Variants in MARCHF1 observed in about 807,000 individuals in gnomAD.
MARCHF1 encodes membrane associated ring-CH-type finger 1.
In MARCHF1, 40 loss-of-function variants were observed where a neutral mutation model predicts 54.2. The ratio of observed to expected loss-of-function variants is 0.74; its 90% CI spans 0.57 to 0.96. MARCHF1 has a LOEUF of 0.96. Among genes scored for constraint, MARCHF1 ranks in the 40% least tolerant of loss-of-function variants. The pLI, the probability that MARCHF1 is intolerant of heterozygous loss-of-function variation, is 0.00. For synonymous variants in MARCHF1, 236 were observed against 236.3 expected (o/e 1.00, Z 0.01); for missense variants, 586 against 656.5 (o/e 0.89, Z 1.17).
At chr4:163,643,121 TG>T (rs1429796433) in intron 5 of MARCHF1, among the ~76,000 whole-genome samples, 1 of 144,424 alleles carries the variant, frequency 6.9e-6, no homozygotes, top group Non-Finnish European at 1.5e-5. Context: ...GAGACCAGCC[TG>T]GCCAACATGG....
chr4:163,660,401 C>G (rs1297845119), intron 5 of MARCHF1, among the ~76,000 whole-genome samples: 8 of 151,606 alleles, frequency 5.3e-5, no homozygotes, highest in Non-Finnish European at 1.2e-4. Flanking sequence ...CGGGGCCTGT[C>G]GGTGGGTGGG....
At chr4:163,561,992 T>C (rs1298827734) in intron 8 of MARCHF1, among the ~76,000 whole-genome samples, 3 of 152,120 alleles carry the variant, frequency 2.0e-5, no homozygotes, top group Admixed American at 1.3e-4. Flanking sequence ...CTCTGAAATG[T>C]AGCTATCAAA....
At chr4:163,756,591 C>T (rs1458324122) in intron 4 of MARCHF1, among the ~76,000 whole-genome samples, 1 of 126,184 alleles carries the variant, frequency 7.9e-6, no homozygotes, top group African/African-American at 3.0e-5. Context: ...GAGATAGCGC[C>T]ACTGTACTCC....
At chr4:164,068,712 T>C (rs1019392220) in intron 2 of MARCHF1, among the ~76,000 whole-genome samples, 1 of 152,046 alleles carries the variant, frequency 6.6e-6, no homozygotes, top group Admixed American at 6.5e-5. Flanking sequence ...CCCAGTCCCA[T>C]TGACCACCCA....
chr4:164,082,099 G>A (rs1227947003), intron 2 of MARCHF1, among the ~76,000 whole-genome samples: 3 of 152,130 alleles, frequency 2.0e-5, no homozygotes, highest in African/African-American at 7.2e-5. Flanking sequence ...AGCCCCAGGA[G>A]GCTACTTTCC....
intron 4 of MARCHF1, among the ~76,000 whole-genome samples, chr4:163,782,062 A>G (rs1376600894): frequency 6.6e-6 from 1 of 152,154 alleles, no homozygotes; most frequent in Non-Finnish European, 1.5e-5. Flanking sequence ...ACTATCAGTA[A>G]CAGGTTCCCT....
intron 1 of MARCHF1, among the ~76,000 whole-genome samples, chr4:164,335,226 A>G (rs879937501): frequency 1.1e-4 from 16 of 152,348 alleles, no homozygotes; most frequent in South Asian, 4.1e-4. Context: ...AAAGCAACAC[A>G]TGCTGCAGAG....
chr4:164,083,886 G>T (rs1755147092), intron 2 of MARCHF1, among the ~76,000 whole-genome samples: 1 of 152,028 alleles, frequency 6.6e-6, no homozygotes, highest in African/African-American at 2.4e-5. Flanking sequence ...CATTTGTAGT[G>T]CATGTACTTC....
At chr4:164,202,980 A>AGAGAAAGG (rs1579620381) in intron 1 of MARCHF1, among the ~76,000 whole-genome samples, 1 of 152,146 alleles carries the variant, frequency 6.6e-6, no homozygotes, top group African/African-American at 2.4e-5. Context: ...GTACAAGCAC[A>AGAGAAAGG]GAGAAAGGGA....
At chr4:163,837,169 T>C (rs1016947485) in intron 4 of MARCHF1, among the ~76,000 whole-genome samples, 3 of 152,098 alleles carry the variant, frequency 2.0e-5, no homozygotes, top group African/African-American at 7.2e-5. Flanking sequence ...GCAATATGTG[T>C]CAGAAGGACA....
intron 1 of MARCHF1, among the ~76,000 whole-genome samples, chr4:164,337,457 A>G (rs1195785233): frequency 6.6e-6 from 1 of 152,258 alleles, no homozygotes; most frequent in African/African-American, 2.4e-5. Context: ...TCCCTCAGCT[A>G]TGCAGAACAC....
intron 4 of MARCHF1, among the ~76,000 whole-genome samples, chr4:163,851,380 T>G (rs957039942): frequency 1.3e-5 from 2 of 152,186 alleles, no homozygotes; most frequent in Non-Finnish European, 2.9e-5. Flanking sequence ...TACCTGATTC[T>G]TTCTCTATCC....
At chr4:164,247,572 C>G (rs1268841302) in intron 1 of MARCHF1, among the ~76,000 whole-genome samples, 1 of 132,802 alleles carries the variant, frequency 7.5e-6, no homozygotes, top group African/African-American at 2.9e-5. Flanking sequence ...CTAACATGCA[C>G]AATGTGCACA....
At chr4:163,770,778 G>A (rs1184475663) in intron 4 of MARCHF1, among the ~76,000 whole-genome samples, 1 of 152,260 alleles carries the variant, frequency 6.6e-6, no homozygotes, top group African/African-American at 2.4e-5. Flanking sequence ...GTTCTTCAAC[G>A]CTCATGAGAT....
intron 9 of MARCHF1, among the ~76,000 whole-genome samples, chr4:163,532,973 T>C (rs1738404112): frequency 6.6e-6 from 1 of 151,950 alleles, no homozygotes; most frequent in Non-Finnish European, 1.5e-5. Context: ...TTTACAATGG[T>C]AACCACAGCT....
intron 3 of MARCHF1, among the ~76,000 whole-genome samples, chr4:163,968,265 T>A (rs565089203): frequency 6.0e-4 from 92 of 152,198 alleles, no homozygotes; most frequent in Non-Finnish European, 1.1e-3. Context: ...AAAATGAAAT[T>A]CTTGACTTGG....
chr4:164,062,475 C>A (rs1754639651), intron 2 of MARCHF1, among the ~76,000 whole-genome samples: 1 of 152,042 alleles, frequency 6.6e-6, no homozygotes, highest in Non-Finnish European at 1.5e-5. Context: ...TCAGAGAAAT[C>A]ACTATATATG....
chr4:164,068,059 GT>G (rs1754767063), intron 2 of MARCHF1, among the ~76,000 whole-genome samples: 1 of 152,120 alleles, frequency 6.6e-6, no homozygotes. Flanking sequence ...TTACTAAAAA[GT>G]AAAAAAATAA....
At chr4:164,254,634 G>A (rs1313206715) in intron 1 of MARCHF1, among the ~76,000 whole-genome samples, 2 of 152,068 alleles carry the variant, frequency 1.3e-5, no homozygotes, top group Admixed American at 6.6e-5. Flanking sequence ...TAGGCTGTCT[G>A]CAAGCTGAGG....
Sources: gnomAD v4.1 joint callset for allele counts (sites outside exome capture counted in the v4.1 genomes callset) on GRCh38, gnomAD v4.1.1 for gene constraint, MANE v1.5 for transcripts, NCBI Gene and HGNC (gene_info 2026-07-23, HGNC 2026-07-21) for gene names.